Variants in ABHD6 observed in about 807,000 individuals in gnomAD.
ABHD6 encodes abhydrolase domain containing 6, acylglycerol lipase, also known as monoacylglycerol lipase ABHD6.
In ABHD6, 33 loss-of-function variants were observed where a neutral mutation model predicts 38.8. That is an observed-to-expected ratio of 0.85 (90% CI 0.64 to 1.14). ABHD6 has a LOEUF of 1.14. Among genes scored for constraint, ABHD6 ranks in the 50% most tolerant of loss-of-function variants. The pLI, the probability that ABHD6 is intolerant of heterozygous loss-of-function variation, is 0.00. For synonymous variants in ABHD6, 147 were observed against 161.6 expected (o/e 0.91, Z 0.69); for missense variants, 380 against 422.6 (o/e 0.90, Z 0.88).
intron 9 of ABHD6, among the ~76,000 whole-genome samples, chr3:58,290,031 G>A (rs1248252066): frequency 7.3e-6 from 1 of 137,832 alleles, no homozygotes; most frequent in African/African-American, 2.9e-5. Flanking sequence ...GCGGCTGGCC[G>A]GGCGGGGGGC....
chr3:58,254,739 C>T (rs1447237496), intron 2 of ABHD6, among the ~76,000 whole-genome samples: 11 of 151,716 alleles, frequency 7.3e-5, no homozygotes, highest in Admixed American at 7.2e-4. Context: ...ACAGGTCCTT[C>T]CAGGGGTTTT....
At chr3:58,275,409 A>G (rs1188286565) in intron 7 of ABHD6, among the ~76,000 whole-genome samples, 3 of 149,756 alleles carry the variant, frequency 2.0e-5, no homozygotes, top group Non-Finnish European at 3.0e-5. Context: ...GGCTCACTGC[A>G]ACCTCTGCCT....
chr3:58,246,642 C>T (rs943401515), intron 1 of ABHD6, among the ~76,000 whole-genome samples: 1 of 152,144 alleles, frequency 6.6e-6, no homozygotes, highest in Non-Finnish European at 1.5e-5. Context: ...AACCAGTTGT[C>T]AGAGTTTTGG....
chr3:58,255,495 C>T lies in ABHD6; in HGVS notation c.-25-1067C>T, dbSNP rs562556394. Reference sequence around the variant, plus strand: ...TTTTTTTTTTTAAAGGTTCTCACTCCGTTGCCTAGGCTAGAGTGCAGTGGT... The same window carrying T: ...TTTTTTTTTTTAAAGGTTCTCACTCTGTTGCCTAGGCTAGAGTGCAGTGGT... On this transcript the variant is annotated intron_variant, in intron 2 of 9. Transcript: ENST00000478253. Among the ~76,000 whole-genome samples, 478 of 148,796 alleles carry T rather than the reference C, an allele frequency of 3.2e-3. 2 individuals are homozygous for T. Among genetic ancestry groups the T allele is most frequent in the Non-Finnish European group, 5.1e-3 (345 of 67,464 alleles).
Position 58,256,480 on chromosome 3 carries a change from A to G in ABHD6, c.-25-82A>G, listed in dbSNP as rs2097433406. On this transcript the variant is annotated intron_variant, in intron 2 of 9. Coordinates refer to ENST00000478253, the MANE Select transcript of ABHD6 (RefSeq NM_001320126.2). This position sits in a 1 kb window ranked among gnomAD's most constrained non-coding sequence, Gnocchi z 4.3. ...TCTTTACCCTCACTCTGGGAACTTC[A>G]CTTTTCTTGTCCCCTTTACTTCTTC... The G allele has an allele frequency of 4.9e-6, 4 of 821,574 alleles. No homozygotes were observed. The highest frequency in any genetic ancestry group is 7.7e-6 in the Non-Finnish European group (4 of 516,434). 50.9% of individuals were successfully genotyped at this position (821,574 alleles called of 1,614,324 possible). A position where few individuals can be genotyped will look rare whatever the true frequency, so the allele number is the denominator to read the frequency against.
At position 58,265,775 on chromosome 3, in the gene ABHD6, C is replaced by T. The variant is rs1339105046; in HGVS notation, c.120-1414C>T. On this transcript the variant is annotated intron_variant, in intron 3 of 9. Coordinates refer to ENST00000478253, the MANE Select transcript of ABHD6 (RefSeq NM_001320126.2). This position sits in a 1 kb window ranked among gnomAD's most constrained non-coding sequence, Gnocchi z 4.2. ...TCTGGCAAGGGCCTTCCTGCTGTGT[C>T]ATCCCGTGGTGGAAGGTAGAAGGAC... Among the ~76,000 whole-genome samples the T allele has an allele frequency of 1.3e-5, 2 of 152,200 alleles. No homozygotes were observed. The highest frequency in any genetic ancestry group is 4.8e-5 in the African/African-American group (2 of 41,448).
chr3:58,269,505 C>T lies in ABHD6; in HGVS notation c.390+71C>T. 2 of 1,228,110 alleles carry T rather than the reference C, an allele frequency of 1.6e-6. No homozygotes were observed. Among genetic ancestry groups the T allele is most frequent in the Non-Finnish European group, 2.4e-6 (2 of 846,830 alleles). The allele number at this position is 1,228,110 out of a possible 1,614,324, so 76.1% of individuals were successfully genotyped here. ...CCATTACATGTCTGAGTCTGGAGAG[C>T]AGGGAAGGGAGTCCTGTGCTACCTC... On this transcript the variant is annotated intron_variant, in intron 5 of 9. Coordinates refer to ENST00000478253, the MANE Select transcript of ABHD6 (RefSeq NM_001320126.2). The surrounding 1 kb of genome is among the most constrained non-coding windows in gnomAD (Gnocchi z 4.4).
At position 58,258,003 on chromosome 3, in the gene ABHD6, A is replaced by G. The variant is rs1162127030; in HGVS notation, c.119+1298A>G. The stretch of plus-strand genomic sequence containing the variant: ...TCCCTTAAGTGAAAAGCTTGCCATA[A>G]ATAGTAAATTAATATCAAAAAGTGC... On this transcript the variant is annotated intron_variant, in intron 3 of 9. Coordinates refer to ENST00000478253, the MANE Select transcript of ABHD6 (RefSeq NM_001320126.2). 5.3e-5 allele frequency among the ~76,000 whole-genome samples: 8 copies of G among 152,238 alleles called. No homozygotes were observed. In the East Asian group the frequency reaches 1.5e-3, roughly 29 times the overall value.
intron 7 of ABHD6, among the ~76,000 whole-genome samples, chr3:58,281,662 C>T (rs1559782315): frequency 6.6e-6 from 1 of 152,250 alleles, no homozygotes; most frequent in Non-Finnish European, 1.5e-5. Context: ...GCAGAAATCA[C>T]CCGCCTTCTG....
chr3:58,254,451 C>T (rs1218600329), intron 2 of ABHD6, among the ~76,000 whole-genome samples: 3 of 152,182 alleles, frequency 2.0e-5, no homozygotes, highest in African/African-American at 4.8e-5. Flanking sequence ...GTGCTAAAAT[C>T]GTCACCGTCT....
chr3:58,279,490 G>C (rs1248886048), intron 7 of ABHD6, among the ~76,000 whole-genome samples: 2 of 152,056 alleles, frequency 1.3e-5, no homozygotes, highest in African/African-American at 4.8e-5. Context: ...GCCTATGTGT[G>C]TCTCTGCATG....
intron 3 of ABHD6, chr3:58,258,696 AG>A (rs1253694042): frequency 2.5e-5 from 4 of 161,694 alleles, no homozygotes; most frequent in Non-Finnish European, 5.5e-5. Flanking sequence ...GAGTCCAGAG[AG>A]GGTGTTATGC....
chr3:58,289,764 C>T (rs1271706657), intron 9 of ABHD6, among the ~76,000 whole-genome samples: 2 of 152,182 alleles, frequency 1.3e-5, no homozygotes, highest in African/African-American at 2.4e-5. Context: ...ACCTCCCAGA[C>T]GGGGTGGTGG....
Position 58,267,401 on chromosome 3 carries a change from A to G in ABHD6, c.276+56A>G, listed in dbSNP as rs1052925967. On this transcript the variant is annotated intron_variant, in intron 4 of 9. Coordinates refer to ENST00000478253, the MANE Select transcript of ABHD6 (RefSeq NM_001320126.2). This position sits in a 1 kb window ranked among gnomAD's most constrained non-coding sequence, Gnocchi z 4.3. ...AAAAGGGAGTTGGGTGCTGTGGCTCATGCCTATAATCCCAGCACTTTGGGA... is the reference window on the plus strand; with the variant it reads ...AAAAGGGAGTTGGGTGCTGTGGCTCGTGCCTATAATCCCAGCACTTTGGGA... 8.8e-6 allele frequency: 14 copies of G among 1,599,178 alleles called. No individual in the cohort carries two copies. Among genetic ancestry groups the G allele is most frequent in the East Asian group, 4.5e-5 (2 of 44,454 alleles).
chr3:58,251,361 C>T lies in ABHD6; in HGVS notation c.-26+1419C>T, dbSNP rs114603530. On this transcript the variant is annotated intron_variant, in intron 2 of 9. Transcript: ENST00000478253. The surrounding 1 kb of genome is among the most constrained non-coding windows in gnomAD (Gnocchi z 5.4). ...AAAAGACAGAAATCAGTAAGTCAGG[C>T]GAAGCGAGGAGAGATGTGTCTATGA... Among the ~76,000 whole-genome samples, 292 of 151,582 alleles carry T rather than the reference C, an allele frequency of 1.9e-3. No homozygotes were observed. Among genetic ancestry groups the T allele is most frequent in the African/African-American group, 6.7e-3 (276 of 41,332 alleles).
At position 58,290,172 on chromosome 3, in the gene ABHD6, C is replaced by T. The variant is rs1349372785; in HGVS notation, c.838-3417C>T. On this transcript the variant is annotated intron_variant, in intron 9 of 9. Coordinates refer to ENST00000478253, the MANE Select transcript of ABHD6 (RefSeq NM_001320126.2). ...GGCGGCTGGCCGGGCGGGGGGCTGA[C>T]CCCCCCACCTCCCTCCCGGACGGGG... is the stretch of plus-strand genomic sequence containing the variant. 6.9e-5 allele frequency among the ~76,000 whole-genome samples: 7 copies of T among 101,058 alleles called. No homozygotes were observed. In the East Asian group the frequency reaches 2.2e-3, roughly 32 times the overall value. 66.3% of individuals were successfully genotyped at this position (101,058 alleles called of 152,430 possible).
chr3:58,274,272 A>G (rs6769100), intron 6 of ABHD6, among the ~76,000 whole-genome samples: 66,716 of 152,028 alleles, frequency 0.44, 15,849 homozygotes, highest in African/African-American at 0.63. Flanking sequence ...ACACTCAGAT[A>G]TGCTTAGGCA....
rs1312845568 is a variant in ABHD6 at position 58,294,431 on chromosome 3, A to C, written c.*666A>C. On this transcript the variant is annotated 3_prime_UTR_variant, in exon 10 of 10. Transcript: ENST00000478253. ...TTCTGAGTGAACCCACAGCAGTCGC[A>C]GAATGAGCACCTGGCAGGGTGGGTT... 1 of 152,684 alleles carries C rather than the reference A, an allele frequency of 6.5e-6. No individual in the cohort carries two copies. Among genetic ancestry groups the C allele is most frequent in the Non-Finnish European group, 1.5e-5 (1 of 68,040 alleles). The allele number at this position is 152,684 out of a possible 1,614,324, so 9.5% of individuals were successfully genotyped here.
intron 9 of ABHD6, among the ~76,000 whole-genome samples, chr3:58,286,842 G>GTATATATA (rs1553721703): frequency 2.2e-4 from 8 of 36,422 alleles, no homozygotes; most frequent in African/African-American, 8.7e-4. Flanking sequence ...GTGTGTGTGT[G>GTATATATA]TGTGTGTGTG....
Sources: gnomAD v4.1 joint callset for allele counts (sites outside exome capture counted in the v4.1 genomes callset) on GRCh38, gnomAD v4.1.1 for gene constraint, Gnocchi (gnomAD v3.1) non-coding constraint, MANE v1.5 for transcripts, NCBI Gene and HGNC (gene_info 2026-07-23, HGNC 2026-07-21) for gene names.